The following THSD7A variants were observed in gnomAD, a reference collection of about 807,000 sequenced individuals.
The protein encoded by THSD7A is thrombospondin type-1 domain-containing protein 7A.
Under a neutral mutation model 231.3 loss-of-function variants are expected in THSD7A, and 96 were observed. The ratio of observed to expected loss-of-function variants is 0.41; its 90% CI spans 0.35 to 0.49. The LOEUF (loss-of-function observed/expected upper bound fraction) is 0.49. Ranked by LOEUF, THSD7A falls within the 20% of genes least tolerant of loss-of-function variation. The pLI, the probability that THSD7A is intolerant of heterozygous loss-of-function variation, is 0.05. For missense variants in THSD7A, 2,290 were observed against 2,070.2 expected, an observed-to-expected ratio of 1.11 and a Z score of -2.06; for synonymous variants, 940 against 743.3, an observed-to-expected ratio of 1.26 and a Z score of -4.30.
intron 2 of THSD7A, among the ~76,000 whole-genome samples, chr7:11,608,003 GC>G: frequency 6.6e-6 from 1 of 152,214 alleles, no homozygotes; most frequent in South Asian, 2.1e-4. Flanking sequence ...CCCTGAAAGA[GC>G]CAGTACATAG....
At chr7:11,663,104 T>G (rs980048436) in intron 1 of THSD7A, among the ~76,000 whole-genome samples, 1 of 151,146 alleles carries the variant, frequency 6.6e-6, no homozygotes, top group African/African-American at 2.4e-5. Context: ...TACAACAAAG[T>G]TACTATTTTA....
chr7:11,464,227 G>A (rs1785613451), intron 9 of THSD7A, among the ~76,000 whole-genome samples: 1 of 151,992 alleles, frequency 6.6e-6, no homozygotes, highest in Non-Finnish European at 1.5e-5. Context: ...GAAGCAGGGA[G>A]GTTTCTGTTT....
chr7:11,551,572 C>T (rs1324419063), intron 4 of THSD7A, among the ~76,000 whole-genome samples: 1 of 152,022 alleles, frequency 6.6e-6, no homozygotes, highest in African/African-American at 2.4e-5. Context: ...AAGACATACA[C>T]ATGGCCAACA....
chr7:11,635,010 T>G (rs1486222584), intron 2 of THSD7A, among the ~76,000 whole-genome samples: 1 of 152,142 alleles, frequency 6.6e-6, no homozygotes. Context: ...ATAAACAACA[T>G]GCATGCCACA....
At chr7:11,787,364 G>A (rs1440678393) in intron 1 of THSD7A, among the ~76,000 whole-genome samples, 1 of 151,908 alleles carries the variant, frequency 6.6e-6, no homozygotes, top group Non-Finnish European at 1.5e-5. Flanking sequence ...ATTTTTTTTA[G>A]ATGTAACACC....
intron 2 of THSD7A, among the ~76,000 whole-genome samples, chr7:11,618,810 A>G (rs1005741637): frequency 1.3e-5 from 2 of 151,778 alleles, no homozygotes; most frequent in African/African-American, 4.8e-5. Flanking sequence ...AAAAAAAAAG[A>G]AGGAGAAGAA....
intron 6 of THSD7A, among the ~76,000 whole-genome samples, chr7:11,522,409 C>A (rs1788304287): frequency 1.3e-5 from 2 of 152,152 alleles, no homozygotes; most frequent in Admixed American, 6.5e-5. Flanking sequence ...TTGATTTCCA[C>A]AAGTTATCTT....
intron 4 of THSD7A, among the ~76,000 whole-genome samples, chr7:11,549,125 C>T (rs374299959): frequency 6.6e-6 from 1 of 151,988 alleles, no homozygotes; most frequent in East Asian, 1.9e-4. Flanking sequence ...ACTCATGCAG[C>T]CAACAAACAT....
At chr7:11,692,275 A>G (rs1168514627) in intron 1 of THSD7A, among the ~76,000 whole-genome samples, 2 of 151,528 alleles carry the variant, frequency 1.3e-5, no homozygotes, top group Non-Finnish European at 3.0e-5. Flanking sequence ...TTCCTATGGA[A>G]GCATGCATTT....
At chr7:11,639,820 CT>C (rs1014374051) in intron 1 of THSD7A, among the ~76,000 whole-genome samples, 2 of 152,072 alleles carry the variant, frequency 1.3e-5, no homozygotes, top group African/African-American at 2.4e-5. Flanking sequence ...CTGAAAATAA[CT>C]TTTTTTCCCT....
chr7:11,832,058 A>G lies in THSD7A; in HGVS notation c.-112T>C, dbSNP rs1009588777. ...ACAGAAAGCAAAGCTCTTTCCTGCT[A>G]TTGTTCGCTTCAGATGAGAAGGAGG... On this transcript the variant is annotated 5_prime_UTR_variant, in exon 1 of 28. Coordinates refer to ENST00000423059, the MANE Select transcript of THSD7A (RefSeq NM_015204.3). 2 of 688,160 alleles carry G rather than the reference A, an allele frequency of 2.9e-6. No individual in the cohort carries two copies. Among genetic ancestry groups the G allele is most frequent in the South Asian group, 7.0e-5 (1 of 14,238 alleles). The allele number at this position is 688,160 out of a possible 1,614,324, so 42.6% of individuals were successfully genotyped here.
Position 11,434,559 on chromosome 7 carries a change from T to C in THSD7A, c.3065-5434A>G, listed in dbSNP as rs112435560. 8.6e-3 allele frequency among the ~76,000 whole-genome samples: 1,312 copies of C among 152,206 alleles called. 22 individuals carry two copies. The highest frequency in any genetic ancestry group is 0.03 in the African/African-American group (1,253 of 41,544). On this transcript the variant is annotated intron_variant, in intron 13 of 27. Transcript: ENST00000423059. ...TCAAAGAATTCATTTTGAAAGCACA[T>C]AGAAAATACTGGTTGCTTCTGATTT... is the stretch of plus-strand genomic sequence containing the variant.
intron 2 of THSD7A, among the ~76,000 whole-genome samples, chr7:11,607,091 A>G (rs1242424523): frequency 3.3e-5 from 5 of 152,136 alleles, no homozygotes; most frequent in Non-Finnish European, 5.9e-5. Context: ...TAAGACAGCC[A>G]TCAGCCGATT....
chr7:11,605,402 G>A lies in THSD7A; in HGVS notation c.1023-11900C>T, dbSNP rs555248591. 4.1e-3 allele frequency among the ~76,000 whole-genome samples: 626 copies of A among 152,134 alleles called. 1 individual carries two copies. Among genetic ancestry groups the A allele is most frequent in the Non-Finnish European group, 4.8e-3 (327 of 67,994 alleles). ...TTAACATCTGCAGTCTAGGGCACTG[G>A]AGTGGAAGTTGTTCCTACTGGCTTA... On this transcript the variant is annotated intron_variant, in intron 2 of 27. Coordinates refer to ENST00000423059, the MANE Select transcript of THSD7A (RefSeq NM_015204.3).
chr7:11,584,928 G>C (rs938490529), intron 4 of THSD7A, among the ~76,000 whole-genome samples: 2 of 152,078 alleles, frequency 1.3e-5, no homozygotes, highest in African/African-American at 2.4e-5. Flanking sequence ...AGTGGGGGTG[G>C]ATATTTGAAA....
rs1308712842 is a variant in THSD7A, at chr7:11,590,187, G to C, written c.1453+273C>G. Among the ~76,000 whole-genome samples, 1 of 152,038 alleles carries C rather than the reference G, an allele frequency of 6.6e-6. No individual in the cohort carries two copies. Among genetic ancestry groups the C allele is most frequent in the Admixed American group, 6.6e-5 (1 of 15,262 alleles). ...TTCGTCTAGTTTTTACATTATTCCTGCTAAACTTTGATGAAGAGGTTGAGT... is the reference window on the plus strand; with the variant it reads ...TTCGTCTAGTTTTTACATTATTCCTCCTAAACTTTGATGAAGAGGTTGAGT... On this transcript the variant is annotated intron_variant, in intron 4 of 27. Transcript: ENST00000423059. The surrounding 1 kb of genome is among the most constrained non-coding windows in gnomAD (Gnocchi z 4.4).
chr7:11,527,886 G>T (rs770883320), intron 6 of THSD7A, among the ~76,000 whole-genome samples: 2 of 152,124 alleles, frequency 1.3e-5, no homozygotes, highest in Non-Finnish European at 2.9e-5. Context: ...CGGCATGGTG[G>T]CTCATGCCTC....
chr7:11,506,627 G>A lies in THSD7A; in HGVS notation c.1823-24645C>T, dbSNP rs375145368. On this transcript the variant is annotated intron_variant, in intron 6 of 27. Coordinates refer to ENST00000423059, the MANE Select transcript of THSD7A (RefSeq NM_015204.3). Reference sequence around the variant, plus strand: ...AAGGCCCTGTATGATCTGCTTCTTGGCTCCCTCTACTCTTCTCATTCTCCC... The same window carrying A: ...AAGGCCCTGTATGATCTGCTTCTTGACTCCCTCTACTCTTCTCATTCTCCC... 2.6e-5 allele frequency among the ~76,000 whole-genome samples: 4 copies of A among 152,160 alleles called. No homozygotes were observed. In the East Asian group the frequency reaches 7.8e-4, roughly 29 times the overall value.
chr7:11,738,703 A>G (rs578175669), intron 1 of THSD7A, among the ~76,000 whole-genome samples: 1 of 152,138 alleles, frequency 6.6e-6, no homozygotes, highest in East Asian at 1.9e-4. Context: ...GAGGTCAGAC[A>G]GGGAGATTTG....
Sources: gnomAD v4.1 joint callset for allele counts (sites outside exome capture counted in the v4.1 genomes callset) on GRCh38, gnomAD v4.1.1 for gene constraint, Gnocchi (gnomAD v3.1) non-coding constraint, MANE v1.5 for transcripts, NCBI Gene and HGNC (gene_info 2026-07-23, HGNC 2026-07-21) for gene names.